AR: variants seen among roughly 807,000 people sequenced by gnomAD.
AR encodes androgen receptor, also known as dihydrotestosterone receptor.
Under a neutral mutation model 53.9 loss-of-function variants are expected in AR, and 8 were observed. The observed-to-expected ratio is 0.15, with a 90% CI of 0.09 to 0.27. The LOEUF (loss-of-function observed/expected upper bound fraction) is 0.27, where lower values mean the gene tolerates loss of function less well. Ranked by LOEUF, AR falls within the 10% of genes least tolerant of loss-of-function variation. The pLI, the probability that AR is intolerant of heterozygous loss-of-function variation, is 1.00. For missense variants in AR, 639 were observed against 742.5 expected (o/e 0.86, Z 1.62); for synonymous variants, 359 against 316.4 (o/e 1.13, Z -1.43).
At position 67,544,932 on chromosome X, in the gene AR, C is replaced by T; in HGVS notation, c.-215C>T. On this transcript the variant is annotated 5_prime_UTR_variant, in exon 1 of 8. Coordinates refer to ENST00000374690, the MANE Select transcript of AR (RefSeq NM_000044.6). ...AGACTGTGAGCCTAGCAGGGCAGATCTTGTCCACCGTGTGTCTTCTTCTGC... is the reference window on the plus strand; with the variant it reads ...AGACTGTGAGCCTAGCAGGGCAGATTTTGTCCACCGTGTGTCTTCTTCTGC... 2 of 429,650 alleles carry T rather than the reference C, an allele frequency of 4.7e-6. No individual in the cohort carries two copies. The highest frequency in any genetic ancestry group is 7.7e-6 in the Non-Finnish European group (2 of 258,225). 35.4% of individuals were successfully genotyped at this position (429,650 alleles called of 1,213,427 possible). A position where few individuals can be genotyped will look rare whatever the true frequency, so the allele number is the denominator to read the frequency against.
In AR at chrX:67,546,774, C is replaced by T. The variant is rs375988329; in HGVS notation, c.1616+12C>T. ...TACGGGGACATGCGGTAAGTTTTTC[C>T]TTCCAGAAATGTCGCCTTTCGGCCC... On this transcript the variant is annotated intron_variant, in intron 1 of 7. Transcript: ENST00000374690. 2.8e-4 allele frequency: 330 copies of T among 1,197,407 alleles called. 1 individual carries two copies. The highest frequency in any genetic ancestry group is 4.6e-4 in the Middle Eastern group (2 of 4,352).
chrX:67,697,596 C>A (rs2076026167), intron 3 of AR, among the ~76,000 whole-genome samples: 1 of 111,441 alleles, frequency 9.0e-6, no homozygotes, highest in Admixed American at 9.5e-5. Context: ...AGCTAGAGAT[C>A]CATTCTTAGA....
intron 2 of AR, among the ~76,000 whole-genome samples, chrX:67,660,689 C>T (rs1011920883): frequency 6.3e-5 from 7 of 111,373 alleles, no homozygotes; most frequent in Admixed American, 1.9e-4. Flanking sequence ...GTTGACTTGG[C>T]GATTCAGGCT....
chrX:67,579,890 A>T (rs1194965824), intron 1 of AR, among the ~76,000 whole-genome samples: 2 of 111,579 alleles, frequency 1.8e-5, no homozygotes, highest in Non-Finnish European at 3.8e-5. Flanking sequence ...CTTTTTGCAC[A>T]ACAAAATGGC....
chrX:67,587,600 C>T (rs1196752929), intron 1 of AR, among the ~76,000 whole-genome samples: 1 of 111,216 alleles, frequency 9.0e-6, no homozygotes, highest in Admixed American at 9.5e-5. Flanking sequence ...GCATGATAAC[C>T]ACATTTAGCA....
chrX:67,664,223 G>T (rs1927122828), intron 2 of AR, among the ~76,000 whole-genome samples: 1 of 111,584 alleles, frequency 9.0e-6, no homozygotes, highest in African/African-American at 3.3e-5. Context: ...CGGTTTTTCT[G>T]CTCTGTTTTT....
intron 1 of AR, among the ~76,000 whole-genome samples, chrX:67,630,972 C>T (rs1278117911): frequency 9.0e-6 from 1 of 111,472 alleles, no homozygotes; most frequent in African/African-American, 3.3e-5. Flanking sequence ...TTGGCCCCTA[C>T]TCTCTTCTGG....
chrX:67,594,770 A>G (rs1923003186), intron 1 of AR, among the ~76,000 whole-genome samples: 1 of 111,572 alleles, frequency 9.0e-6, no homozygotes, highest in South Asian at 3.8e-4. Context: ...CAACATGGTG[A>G]AACCCTGTCT....
intron 2 of AR, among the ~76,000 whole-genome samples, chrX:67,667,270 A>G (rs778555457): frequency 9.0e-6 from 1 of 111,705 alleles, no homozygotes; most frequent in South Asian, 3.8e-4. Context: ...TTCCTTCTGC[A>G]TATGGATATC....
chrX:67,719,396 A>T (rs916433823), intron 5 of AR, among the ~76,000 whole-genome samples: 2 of 111,630 alleles, frequency 1.8e-5, no homozygotes, highest in Non-Finnish European at 3.8e-5. Flanking sequence ...GAAAAGTGAT[A>T]ATTGGTTGTT....
At chrX:67,561,305 G>A (rs1243127092) in intron 1 of AR, among the ~76,000 whole-genome samples, 1 of 111,840 alleles carries the variant, frequency 8.9e-6, no homozygotes, top group Non-Finnish European at 1.9e-5. Context: ...ACAACTGATG[G>A]ATTGTAAGTT....
rs146715030 is a variant in AR, at chrX:67,699,757, A to G, written c.1886-11645A>G. On this transcript the variant is annotated intron_variant, in intron 3 of 7. Coordinates refer to ENST00000374690, the MANE Select transcript of AR (RefSeq NM_000044.6). Reference sequence around the variant, plus strand: ...TCATAGTGAGATAGGGAGAACAGAAACATCACATCCTTGACCTTAGGTAAA... The same window carrying G: ...TCATAGTGAGATAGGGAGAACAGAAGCATCACATCCTTGACCTTAGGTAAA... 1.2e-3 allele frequency among the ~76,000 whole-genome samples: 131 copies of G among 111,239 alleles called. 2 individuals carry two copies. In the East Asian group the frequency reaches 0.035, roughly 30 times the overall value.
In AR at chrX:67,631,347, TC is replaced by T. The variant is rs747400153; in HGVS notation, c.1617-11908del. Among the ~76,000 whole-genome samples, 768 of 111,681 alleles carry T rather than the reference TC, an allele frequency of 6.9e-3. 4 individuals carry two copies. Among genetic ancestry groups the T allele is most frequent in the African/African-American group, 0.024 (733 of 30,714 alleles). On this transcript the variant is annotated intron_variant, in intron 1 of 7. Coordinates refer to ENST00000374690, the MANE Select transcript of AR (RefSeq NM_000044.6). ...GGAGGCTTTGCTCGTTTCTTTTTAT[TC>T]TTTTTTCTCTAAAGTTCCCTTCTCA...
intron 1 of AR, among the ~76,000 whole-genome samples, chrX:67,589,935 T>C (rs912659045): frequency 8.9e-6 from 1 of 112,064 alleles, no homozygotes; most frequent in Admixed American, 9.4e-5. Context: ...GTTGCCACTG[T>C]CATTTGAAAT....
At position 67,725,470 on chromosome X, in the gene AR, T is replaced by C. The variant is rs547079631; in HGVS notation, c.*1629T>C. On this transcript the variant is annotated 3_prime_UTR_variant, in exon 8 of 8. Coordinates refer to ENST00000374690, the MANE Select transcript of AR (RefSeq NM_000044.6). The stretch of plus-strand genomic sequence containing the variant: ...TGAAGAGAAAACTCAATTACCAGGG[T>C]GGGAAGAATGAAGGCACTAGAACCA... 2 of 173,716 alleles carry C rather than the reference T, an allele frequency of 1.2e-5. No individual in the cohort carries two copies. Among genetic ancestry groups the C allele is most frequent in the East Asian group, 1.6e-4 (2 of 12,341 alleles). 14.3% of individuals were successfully genotyped at this position (173,716 alleles called of 1,213,427 possible). A position where few individuals can be genotyped will look rare whatever the true frequency, so the allele number is the denominator to read the frequency against.
chrX:67,685,612 G>A (rs948963274), intron 2 of AR, among the ~76,000 whole-genome samples: 1 of 111,552 alleles, frequency 9.0e-6, no homozygotes, highest in Non-Finnish European at 1.9e-5. Flanking sequence ...GGTATCAATA[G>A]GAAGAAACAT....
In AR at chrX:67,724,223, G is replaced by A. The variant is rs773679769; in HGVS notation, c.*382G>A. 5 of 184,117 alleles carry A rather than the reference G, an allele frequency of 2.7e-5. No homozygotes were observed. The highest frequency in any genetic ancestry group is 3.0e-4 in the South Asian group (1 of 3,297). 15.2% of individuals were successfully genotyped at this position (184,117 alleles called of 1,213,427 possible). On this transcript the variant is annotated 3_prime_UTR_variant, in exon 8 of 8. Coordinates refer to ENST00000374690, the MANE Select transcript of AR (RefSeq NM_000044.6). ...CAAACGTTTACTTATCTTATGCCACGGGAAGTTTAGAGAGCTAAGATTATC... is the reference window on the plus strand; with the variant it reads ...CAAACGTTTACTTATCTTATGCCACAGGAAGTTTAGAGAGCTAAGATTATC...
chrX:67,660,638 CAGAT>C (rs1313071135), intron 2 of AR, among the ~76,000 whole-genome samples: 1 of 111,639 alleles, frequency 9.0e-6, no homozygotes, highest in Non-Finnish European at 1.9e-5. Context: ...AGTTTGAAGT[CAGAT>C]AGCGTGATGC....
In AR at chrX:67,548,354, AG is replaced by A. The variant is rs755334766; in HGVS notation, c.1616+1593del. ...CAGAGGGTTCATTTGATATTGTCAAAGTCTTTTCCAGTTAATTTAGACTCTT... is the reference window on the plus strand; with the variant it reads ...CAGAGGGTTCATTTGATATTGTCAAATCTTTTCCAGTTAATTTAGACTCTT... On this transcript the variant is annotated intron_variant, in intron 1 of 7. Transcript: ENST00000374690. 1.8e-4 allele frequency among the ~76,000 whole-genome samples: 20 copies of A among 112,115 alleles called. No homozygotes were observed. In the Admixed American group the frequency reaches 1.8e-3, roughly 10 times the overall value.
Sources: gnomAD v4.1 joint callset for allele counts (sites outside exome capture counted in the v4.1 genomes callset) on GRCh38, gnomAD v4.1.1 for gene constraint, MANE v1.5 for transcripts, NCBI Gene and HGNC (gene_info 2026-07-23, HGNC 2026-07-21) for gene names.